The following EXT1 variants were observed in gnomAD, a reference collection of about 807,000 sequenced individuals.
EXT1 encodes exostosin glycosyltransferase 1.
A neutral mutation model predicts 82.5 loss-of-function variants in EXT1; 20 were observed. That is an observed-to-expected ratio of 0.24 (90% CI 0.17 to 0.35). The LOEUF is 0.35. Ranked by LOEUF, EXT1 falls within the 10% of genes least tolerant of loss-of-function variation. The pLI is 1.00. For synonymous variants in EXT1, 348 were observed against 350.8 expected (o/e 0.99, Z 0.09); for missense variants, 757 against 936.5 (o/e 0.81, Z 2.50).
intron 10 of EXT1, among the ~76,000 whole-genome samples, chr8:117,803,273 C>A (rs1823192908): frequency 6.6e-6 from 1 of 152,022 alleles, no homozygotes. Context: ...CAACCCACTG[C>A]AACCTCTGCC....
chr8:118,106,024 C>T (rs550262670), intron 1 of EXT1, among the ~76,000 whole-genome samples: 1 of 152,322 alleles, frequency 6.6e-6, no homozygotes, highest in Admixed American at 6.5e-5. Flanking sequence ...TTAGACTAAA[C>T]AGCTCCACAG....
At chr8:118,010,610 T>A (rs983419992) in intron 1 of EXT1, among the ~76,000 whole-genome samples, 3 of 152,182 alleles carry the variant, frequency 2.0e-5, no homozygotes, top group African/African-American at 7.2e-5. Context: ...TGCAGAGCAG[T>A]TCCTATGGAT....
intron 1 of EXT1, among the ~76,000 whole-genome samples, chr8:117,938,026 G>A (rs931099833): frequency 1.3e-5 from 2 of 152,148 alleles, no homozygotes; most frequent in African/African-American, 2.4e-5. Flanking sequence ...CACCTCAATA[G>A]GAAATATCTC....
chr8:117,816,657 T>C (rs962351964), intron 7 of EXT1, among the ~76,000 whole-genome samples: 8 of 152,192 alleles, frequency 5.3e-5, no homozygotes, highest in African/African-American at 1.9e-4. Context: ...AGAAAGGTAC[T>C]ATTATTATCA....
chr8:117,883,999 TGGAGAGAGTC>T (rs1360220447), intron 1 of EXT1, among the ~76,000 whole-genome samples: 1 of 152,218 alleles, frequency 6.6e-6, no homozygotes, highest in African/African-American at 2.4e-5. Flanking sequence ...CTTGGGGATT[TGGAGAGAGTC>T]GGAGGGAGGA....
chr8:117,876,918 T>C (rs959249281), intron 1 of EXT1, among the ~76,000 whole-genome samples: 1 of 152,158 alleles, frequency 6.6e-6, no homozygotes, highest in African/African-American at 2.4e-5. Flanking sequence ...TGAAATGCCA[T>C]AGACATTTCA....
At chr8:118,055,563 G>A (rs560771971) in intron 1 of EXT1, among the ~76,000 whole-genome samples, 2 of 152,284 alleles carry the variant, frequency 1.3e-5, no homozygotes, top group African/African-American at 4.8e-5. Flanking sequence ...ATGGAGATGA[G>A]AAACAAAACC....
chr8:117,969,255 T>C (rs1045910573), intron 1 of EXT1, among the ~76,000 whole-genome samples: 2 of 152,212 alleles, frequency 1.3e-5, no homozygotes, highest in African/African-American at 2.4e-5. Flanking sequence ...TTTATACTAT[T>C]TTAAGAGAAA....
At chr8:117,928,590 T>C (rs959071583) in intron 1 of EXT1, among the ~76,000 whole-genome samples, 2 of 152,144 alleles carry the variant, frequency 1.3e-5, no homozygotes, top group Admixed American at 1.3e-4. Flanking sequence ...ACGATGATGA[T>C]AATCACAGCA....
rs542015729 is a variant in EXT1, at chr8:117,825,124, G to A, written c.1285-2527C>T. On this transcript the variant is annotated intron_variant, in intron 4 of 10. Coordinates refer to ENST00000378204, the MANE Select transcript of EXT1 (RefSeq NM_000127.3). ...TGAGCTCAAGCAATCCTTTCTCCCC[G>A]GCCTCCCAAAGTGTTGGGACTACAG... 5.3e-5 allele frequency among the ~76,000 whole-genome samples: 8 copies of A among 152,092 alleles called. No homozygotes were observed. In the East Asian group the frequency reaches 1.4e-3, roughly 26 times the overall value.
intron 1 of EXT1, among the ~76,000 whole-genome samples, chr8:117,986,952 C>A (rs889741893): frequency 1.3e-5 from 2 of 152,214 alleles, no homozygotes; most frequent in Admixed American, 1.3e-4. Flanking sequence ...AAACTAGTTT[C>A]AGAAATGCAA....
At chr8:117,933,187 T>C (rs529047457) in intron 1 of EXT1, among the ~76,000 whole-genome samples, 3 of 152,170 alleles carry the variant, frequency 2.0e-5, no homozygotes, top group Non-Finnish European at 2.9e-5. Flanking sequence ...CATGGAACTA[T>C]CTTAAATCTC....
At chr8:117,937,091 C>A (rs1164281864) in intron 1 of EXT1, among the ~76,000 whole-genome samples, 1 of 152,070 alleles carries the variant, frequency 6.6e-6, no homozygotes, top group Admixed American at 6.5e-5. Context: ...GCCCAATATC[C>A]CCTCAAAACA....
intron 1 of EXT1, among the ~76,000 whole-genome samples, chr8:118,057,671 T>TAAA (rs11417159): frequency 1.5e-4 from 22 of 150,338 alleles, no homozygotes; most frequent in South Asian, 2.1e-4. Context: ...CTGGTCTCTT[T>TAAA]AAAAAAAAAA....
intron 1 of EXT1, among the ~76,000 whole-genome samples, chr8:117,854,835 G>C (rs1812514886): frequency 6.6e-6 from 1 of 152,164 alleles, no homozygotes; most frequent in Admixed American, 6.5e-5. Context: ...ACTAGAACCT[G>C]AACATAGCCC....
chr8:118,009,798 G>A (rs575431017), intron 1 of EXT1, among the ~76,000 whole-genome samples: 52 of 152,234 alleles, frequency 3.4e-4, no homozygotes, highest in African/African-American at 1.2e-3. Flanking sequence ...GTTTCATCCT[G>A]AAACCATCCC....
intron 1 of EXT1, among the ~76,000 whole-genome samples, chr8:118,098,978 ATCTTAC>A (rs72022398): frequency 0.054 from 8,266 of 152,222 alleles, 682 homozygotes; most frequent in African/African-American, 0.18. Flanking sequence ...TCAAATGGAG[ATCTTAC>A]TCTTAAGACC....
At position 117,795,489 on chromosome 8, in the gene EXT1, T is replaced by TC. The variant is rs1016051772; in HGVS notation, c.*4222_*4223insG. On this transcript the variant is annotated 3_prime_UTR_variant, in exon 11 of 11. Transcript: ENST00000378204. ...GGTACTTAATCCCCCAAGCTTTTTT[T>TC]TTTTTTTAAAGAAAAAAAAAAGGGG... 2.1e-4 allele frequency: 32 copies of TC among 151,092 alleles called. No individual in the cohort carries two copies. The highest frequency in any genetic ancestry group is 7.8e-4 in the African/African-American group (32 of 41,176). The allele number at this position is 151,092 out of a possible 1,614,324, so 9.4% of individuals were successfully genotyped here.
At chr8:117,801,450 G>C (rs1432818406) in intron 10 of EXT1, among the ~76,000 whole-genome samples, 1 of 152,106 alleles carries the variant, frequency 6.6e-6, no homozygotes, top group African/African-American at 2.4e-5. Context: ...TATCAGAGTA[G>C]ACAATCCCAA....
Sources: gnomAD v4.1 joint callset for allele counts (sites outside exome capture counted in the v4.1 genomes callset) on GRCh38, gnomAD v4.1.1 for gene constraint, MANE v1.5 for transcripts, NCBI Gene and HGNC (gene_info 2026-07-23, HGNC 2026-07-21) for gene names.